RAPGEF4: variants seen among roughly 807,000 people sequenced by gnomAD.
RAPGEF4 encodes the protein RAP guanine-nucleotide-exchange factor (GEF) 4.
RAPGEF4 carries 66 observed loss-of-function variants against 147.9 expected under a neutral mutation model. The observed-to-expected ratio is 0.45, with a 90% confidence interval of 0.37 to 0.55. The LOEUF (loss-of-function observed/expected upper bound fraction) is 0.55. RAPGEF4 is among the 20% of genes least tolerant of loss of function. The pLI, the probability that RAPGEF4 is intolerant of heterozygous loss-of-function variation, is 0.00. For missense variants in RAPGEF4, 1,071 were observed against 1,257.3 expected (o/e 0.85, Z 2.24); for synonymous variants, 419 against 442.7 (o/e 0.95, Z 0.67).
chr2:172,890,001 G>A (rs1697718885), intron 4 of RAPGEF4: 3 of 228,778 alleles, frequency 1.3e-5, no homozygotes, highest in Admixed American at 1.3e-4. Flanking sequence ...TTTTACAGTT[G>A]TCAAGCTCAA....
chr2:172,987,160 G>T (rs1352278088), intron 12 of RAPGEF4, among the ~76,000 whole-genome samples: 1 of 152,114 alleles, frequency 6.6e-6, no homozygotes, highest in African/African-American at 2.4e-5. Context: ...AAATTAGCAA[G>T]GTGGATTGGT....
intron 4 of RAPGEF4, among the ~76,000 whole-genome samples, chr2:172,858,839 C>A (rs1319316402): frequency 2.0e-5 from 3 of 152,134 alleles, no homozygotes; most frequent in Non-Finnish European, 4.4e-5. Flanking sequence ...TTTCTCCTGA[C>A]TGAAATTTTG....
At chr2:172,835,331 G>T (rs1395456556) in intron 4 of RAPGEF4, among the ~76,000 whole-genome samples, 2 of 152,226 alleles carry the variant, frequency 1.3e-5, no homozygotes, top group Non-Finnish European at 2.9e-5. Flanking sequence ...GATTACTGGT[G>T]TGTTGTTAGT....
intron 9 of RAPGEF4, 113 bp from the exon 10 acceptor site, chr2:172,967,148 C>T: frequency 1.9e-6 from 2 of 1,058,842 alleles, no homozygotes; most frequent in East Asian, 2.6e-5. Context: ...CGAGGAGGCT[C>T]CCGGCTTTGC....
intron 4 of RAPGEF4, among the ~76,000 whole-genome samples, chr2:172,831,206 C>A (rs1437784220): frequency 6.7e-6 from 1 of 148,638 alleles, no homozygotes; most frequent in Admixed American, 6.8e-5. Context: ...CCTATTAGCA[C>A]CGTCTGATGT....
At chr2:172,737,472 T>C (rs1693903417) in intron 1 of RAPGEF4, among the ~76,000 whole-genome samples, 1 of 152,184 alleles carries the variant, frequency 6.6e-6, no homozygotes, top group Non-Finnish European at 1.5e-5. Flanking sequence ...AACATATTTC[T>C]ATGTGTAGAA....
chr2:172,967,506 C>T, intron 10 of RAPGEF4, 62 bp downstream of exon 10: 1 of 1,506,156 alleles, frequency 6.6e-7, no homozygotes, highest in Non-Finnish European at 8.9e-7. Flanking sequence ...ATAGACATAC[C>T]ATGAGGAGAG....
chr2:172,907,566 G>A (rs951723303), intron 4 of RAPGEF4, among the ~76,000 whole-genome samples: 15 of 152,028 alleles, frequency 9.9e-5, no homozygotes, highest in Non-Finnish European at 2.2e-4. Flanking sequence ...TTACCATGTG[G>A]GTGAAAAACA....
chr2:172,838,403 T>A (rs1691206988), intron 4 of RAPGEF4, among the ~76,000 whole-genome samples: 1 of 152,116 alleles, frequency 6.6e-6, no homozygotes, highest in Admixed American at 6.5e-5. Context: ...GCAATTAGGT[T>A]TAGTTCTAAA....
At chr2:172,885,775 G>T (rs997022635) in intron 4 of RAPGEF4, among the ~76,000 whole-genome samples, 3 of 152,156 alleles carry the variant, frequency 2.0e-5, no homozygotes, top group African/African-American at 7.2e-5. Context: ...ATGAGATTTA[G>T]GTGGGGACAC....
intron 4 of RAPGEF4, among the ~76,000 whole-genome samples, chr2:172,907,634 C>T (rs1699756012): frequency 6.6e-6 from 1 of 152,156 alleles, no homozygotes; most frequent in Non-Finnish European, 1.5e-5. Flanking sequence ...TATTTTCCCA[C>T]AGGTCCATTT....
At chr2:173,039,858 CAT>C (rs1234062601) in intron 29 of RAPGEF4, among the ~76,000 whole-genome samples, 3 of 152,162 alleles carry the variant, frequency 2.0e-5, no homozygotes, top group Non-Finnish European at 2.9e-5. Flanking sequence ...CATTTTATCT[CAT>C]GTGAGAAATT....
intron 4 of RAPGEF4, among the ~76,000 whole-genome samples, chr2:172,832,488 A>G (rs1690469999): frequency 6.6e-6 from 1 of 152,170 alleles, no homozygotes; most frequent in Admixed American, 6.5e-5. Flanking sequence ...GTTCTTTGCC[A>G]TTTAATGTTC....
At chr2:172,967,191 T>G (rs770923350) in intron 9 of RAPGEF4, 70 bp from the exon 10 acceptor site, 19 of 1,484,146 alleles carry the variant, frequency 1.3e-5, no homozygotes, top group Non-Finnish European at 1.7e-5. Context: ...ACACTCTGCA[T>G]TTGTTTCTAG....
intron 4 of RAPGEF4, among the ~76,000 whole-genome samples, chr2:172,859,776 T>A (rs1234748742): frequency 6.6e-6 from 1 of 152,170 alleles, no homozygotes; most frequent in Admixed American, 6.5e-5. Flanking sequence ...GCTGAAAAAC[T>A]GGTAAATGAC....
intron 6 of RAPGEF4, among the ~76,000 whole-genome samples, chr2:172,943,947 TAAG>T (rs1687423682): frequency 1.3e-5 from 2 of 152,190 alleles, no homozygotes; most frequent in South Asian, 2.1e-4. Flanking sequence ...GCTACTTGAG[TAAG>T]AAGAAGCAAT....
Position 172,813,694 on chromosome 2 carries a change from A to G in RAPGEF4, c.298-585A>G, listed in dbSNP as rs905424573. Among the ~76,000 whole-genome samples the G allele has an allele frequency of 2.0e-5, 3 of 152,174 alleles. No homozygotes were observed. In the East Asian group the frequency reaches 5.8e-4, roughly 29 times the overall value. ...CTGCACTCTCTAACTTAAAAAAAAAAAACTGAGCTCAGCTTCGATAGATTT... is the reference window on the plus strand; with the variant it reads ...CTGCACTCTCTAACTTAAAAAAAAAGAACTGAGCTCAGCTTCGATAGATTT... On this transcript the variant is annotated intron_variant, in intron 3 of 30. Coordinates refer to ENST00000397081, the MANE Select transcript of RAPGEF4 (RefSeq NM_007023.4).
intron 1 of RAPGEF4, among the ~76,000 whole-genome samples, chr2:172,777,701 G>A (rs1684310167): frequency 6.6e-6 from 1 of 152,022 alleles, no homozygotes; most frequent in Admixed American, 6.6e-5. Context: ...CCAGCCCCGT[G>A]AGACTGCCAT....
intron 4 of RAPGEF4, among the ~76,000 whole-genome samples, chr2:172,840,810 G>A (rs1052615561): frequency 6.6e-6 from 1 of 152,208 alleles, no homozygotes; most frequent in Non-Finnish European, 1.5e-5. Flanking sequence ...AGGGGTCTTA[G>A]AGATCACTCA....
Sources: gnomAD v4.1 joint callset for allele counts (sites outside exome capture counted in the v4.1 genomes callset) on GRCh38, gnomAD v4.1.1 for gene constraint, MANE v1.5 for transcripts, NCBI Gene and HGNC (gene_info 2026-07-23, HGNC 2026-07-21) for gene names.